POT1: variants seen among roughly 807,000 people sequenced by gnomAD.
POT1 encodes protection of telomeres 1.
Under a neutral mutation model 78.5 loss-of-function variants are expected in POT1, and 47 were observed. That is an observed-to-expected ratio of 0.60 (90% CI 0.47 to 0.76). The LOEUF (loss-of-function observed/expected upper bound fraction) is 0.76, where lower values mean the gene tolerates loss of function less well. Ranked by LOEUF, POT1 falls within the 30% of genes least tolerant of loss-of-function variation. POT1 has a pLI of 0.00. For synonymous variants in POT1, 259 were observed against 260.7 expected, an observed-to-expected ratio of 0.99 and a Z score of 0.06; for missense variants, 646 against 749.9, an observed-to-expected ratio of 0.86 and a Z score of 1.62.
intron 7 of POT1, among the ~76,000 whole-genome samples, chr7:124,865,211 T>C (rs984048468): frequency 3.9e-5 from 6 of 152,132 alleles, no homozygotes; most frequent in African/African-American, 1.4e-4. Flanking sequence ...GCATCATTTT[T>C]TTCTCCAGTT....
chr7:124,882,913 G>A (rs2116603491), intron 6 of POT1, among the ~76,000 whole-genome samples: 1 of 152,096 alleles, frequency 6.6e-6, no homozygotes, highest in East Asian at 1.9e-4. Context: ...TAAATACAAA[G>A]TGAAGTGATA....
intron 6 of POT1, among the ~76,000 whole-genome samples, chr7:124,876,836 G>A (rs1399738395): frequency 6.6e-6 from 1 of 152,158 alleles, no homozygotes; most frequent in Non-Finnish European, 1.5e-5. Flanking sequence ...TCTACTGACT[G>A]TTCTACTCTA....
intron 2 of POT1, among the ~76,000 whole-genome samples, chr7:124,923,008 A>C (rs1352556364): frequency 6.6e-6 from 1 of 151,834 alleles, no homozygotes; most frequent in Non-Finnish European, 1.5e-5. Flanking sequence ...ACATCTTCAG[A>C]AAACATTTCT....
chr7:124,917,989 A>G (rs1452801388), intron 2 of POT1, among the ~76,000 whole-genome samples: 1 of 152,118 alleles, frequency 6.6e-6, no homozygotes, highest in Non-Finnish European at 1.5e-5. Flanking sequence ...TCCTTTCCCA[A>G]GGAAAAATAT....
At chr7:124,844,672 T>C (rs1458746971) in intron 12 of POT1, among the ~76,000 whole-genome samples, 1 of 141,506 alleles carries the variant, frequency 7.1e-6, no homozygotes, top group Non-Finnish European at 1.5e-5. Context: ...AAGGCAGAGC[T>C]TGCAGTGAGC....
rs904017538 is a variant in POT1, at chr7:124,843,105, T to C, written c.1007-142A>G. 3.1e-5 allele frequency: 18 copies of C among 584,742 alleles called. No homozygotes were observed. In the African/African-American group the frequency reaches 3.3e-4, roughly 11 times the overall value. The allele number at this position is 584,742 out of a possible 1,614,324, so 36.2% of individuals were successfully genotyped here. On this transcript the variant is annotated intron_variant, in intron 12 of 18. Transcript: ENST00000357628. The stretch of plus-strand genomic sequence containing the variant: ...TCCATGAAAGGAAGGGTTATGTCTT[T>C]ATTCCCTGATGTATACCCAAGGCCC...
chr7:124,831,300 C>T (rs546815200), intron 15 of POT1, among the ~76,000 whole-genome samples: 15 of 152,238 alleles, frequency 9.9e-5, no homozygotes, highest in South Asian at 6.2e-4. Flanking sequence ...CTTATATACA[C>T]CTTATAATCC....
chr7:124,925,270 C>CA (rs752621154), intron 2 of POT1, among the ~76,000 whole-genome samples: 14 of 151,896 alleles, frequency 9.2e-5, no homozygotes, highest in Non-Finnish European at 1.9e-4. Flanking sequence ...CTTCAGGATA[C>CA]AAAATCAATG....
intron 8 of POT1, among the ~76,000 whole-genome samples, chr7:124,861,001 T>A (rs768297001): frequency 6.6e-6 from 1 of 152,212 alleles, no homozygotes; most frequent in Non-Finnish European, 1.5e-5. Context: ...TAATCCAGTC[T>A]ACCATTCGTG....
At chr7:124,832,297 T>TA (rs1204454611) in intron 15 of POT1, among the ~76,000 whole-genome samples, 3 of 150,868 alleles carry the variant, frequency 2.0e-5, no homozygotes, top group Non-Finnish European at 4.4e-5. Flanking sequence ...GTCAAAACGT[T>TA]ACGATTTGTT....
chr7:124,828,820 A>C (rs1241959911), intron 16 of POT1: 1 of 485,688 alleles, frequency 2.1e-6, no homozygotes, highest in Admixed American at 2.2e-5. Context: ...CAAAAAGGAA[A>C]GAAAACAAAA....
intron 5 of POT1, among the ~76,000 whole-genome samples, chr7:124,896,425 A>G (rs1380924280): frequency 3.3e-5 from 5 of 151,896 alleles, no homozygotes; most frequent in Admixed American, 3.3e-4. Context: ...CAGTTCTTTT[A>G]TTGGTAACAG....
intron 6 of POT1, among the ~76,000 whole-genome samples, chr7:124,871,571 T>C (rs1439924857): frequency 1.3e-5 from 2 of 151,714 alleles, no homozygotes; most frequent in Non-Finnish European, 1.5e-5. Flanking sequence ...AAAGAGAAAA[T>C]GGTAATTCTT....
chr7:124,842,635 G>T (rs1286685714), intron 13 of POT1, among the ~76,000 whole-genome samples, 172 bp downstream of exon 13: 4 of 151,770 alleles, frequency 2.6e-5, no homozygotes, highest in Admixed American at 2.0e-4. Context: ...ATTACTATCA[G>T]AATAATTTAT....
At position 124,829,254 on chromosome 7, in the gene POT1, C is replaced by G. The variant is rs537377921; in HGVS notation, c.1594G>C (p.Ala532Pro). The change falls in exon 16 of 19, where the codon GCA becomes CCA. Residue 532 changes from alanine to proline, a missense_variant and splice_region_variant. Physicochemically the swap from Ala to Pro is conservative, Grantham distance 27. Transcript: ENST00000357628. ...TGCAGGGCATGGAAATTTAGCTAAC[C>G]TTCTGCCACAGAAGAAGGAATCCAC... ...TSWIPSSVAE[A>P]LGIVPLQYVF... 6 of 1,587,978 alleles carry G rather than the reference C, an allele frequency of 3.8e-6. No homozygotes were observed. Among genetic ancestry groups the G allele is most frequent in the Non-Finnish European group, 8.6e-7 (1 of 1,158,226 alleles).
At chr7:124,858,926 TA>T (rs2116524711) in intron 9 of POT1, 30 bp downstream of exon 9, 3 of 1,528,316 alleles carry the variant, frequency 2.0e-6, no homozygotes, top group Non-Finnish European at 1.8e-6. Context: ...TATAAAAACA[TA>T]AAATAACATT....
intron 9 of POT1, among the ~76,000 whole-genome samples, chr7:124,854,091 A>C (rs979397325): frequency 1.3e-5 from 2 of 152,112 alleles, no homozygotes; most frequent in South Asian, 2.1e-4. Context: ...TAACAAAAAA[A>C]CTATATAGGT....
chr7:124,825,117 ATAGAG>A (rs1299314280), intron 18 of POT1, 130 bp downstream of exon 18: 3 of 474,988 alleles, frequency 6.3e-6, no homozygotes, highest in Non-Finnish European at 1.1e-5. Context: ...AAGGTTGATC[ATAGAG>A]TAATCACTCA....
rs1020446429 is a variant in POT1 at position 124,915,861 on chromosome 7, T to C, written c.-226-215A>G. Among the ~76,000 whole-genome samples, 11 of 152,296 alleles carry C rather than the reference T, an allele frequency of 7.2e-5. No individual in the cohort carries two copies. The South Asian group carries it at 1.0e-3, about 14-fold the overall frequency. On this transcript the variant is annotated intron_variant, in intron 2 of 18. Transcript: ENST00000357628. Reference sequence around the variant, plus strand: ...AAATACTTCAAGGTTTATAATATAATTTCCTAAGTAATCCTATTAGTTAAG... The same window carrying C: ...AAATACTTCAAGGTTTATAATATAACTTCCTAAGTAATCCTATTAGTTAAG...
Sources: allele counts gnomAD v4.1 joint callset (sites outside exome capture counted in the v4.1 genomes callset), GRCh38; gene constraint gnomAD v4.1.1; transcripts MANE v1.5; gene names NCBI Gene and HGNC (gene_info 2026-07-23, HGNC 2026-07-21).